The following MBD1 variants were observed in gnomAD, a reference collection of about 807,000 sequenced individuals.
MBD1 encodes the protein methyl-CpG binding domain protein 1.
A neutral mutation model predicts 82.6 loss-of-function variants in MBD1; 25 were observed. The observed-to-expected ratio is 0.30, with a 90% CI of 0.22 to 0.42. The LOEUF is 0.42. Among genes scored for constraint, MBD1 ranks in the 10% least tolerant of loss-of-function variants. The pLI, the probability that MBD1 is intolerant of heterozygous loss-of-function variation, is 1.00. For synonymous variants in MBD1, 301 were observed against 303.7 expected (o/e 0.99, Z 0.09); for missense variants, 627 against 819.6 (o/e 0.76, Z 2.87).
At chr18:50,269,954 T>C in intron 16 of MBD1, 136 bp from the exon 17 acceptor site, 1 of 1,480,374 alleles carries the variant, frequency 6.8e-7, no homozygotes, top group Non-Finnish European at 9.4e-7. Flanking sequence ...TCTTAGTGGT[T>C]CTGCTCCTCT....
chr18:50,273,918 A>G, intron 11 of MBD1, 55 bp from the exon 12 acceptor site: 1 of 1,594,120 alleles, frequency 6.3e-7, no homozygotes, highest in South Asian at 1.1e-5. Flanking sequence ...AATCACATCC[A>G]CCCTGCCCGG....
Position 50,274,989 on chromosome 18 carries a change from G to A in MBD1, c.966C>T (p.Asp322=), listed in dbSNP as rs772160400. ...PPAEFIYYCV[D]EDELQPYTNR... is the part of the protein sequence containing the mutation. ...TGGGGCCACTCACTAGCTCGTCCTC[G>A]TCTACACAGTAATAGATGAACTCGG... Residue 322 remains aspartate (D), a synonymous_variant, in exon 10 of 17, where the codon GAC becomes GAT. Transcript: ENST00000269468. The A allele has an allele frequency of 2.7e-5, 43 of 1,606,660 alleles. No individual in the cohort carries two copies. Among genetic ancestry groups the A allele is most frequent in the Non-Finnish European group, 3.5e-5 (41 of 1,176,884 alleles).
intron 8 of MBD1, 71 bp downstream of exon 8, chr18:50,275,529 G>A: frequency 6.2e-7 from 1 of 1,612,282 alleles, no homozygotes; most frequent in African/African-American, 1.3e-5. Flanking sequence ...GGCAAGGCCA[G>A]GTTGAAAGGA....
Position 50,277,128 on chromosome 18 carries a change from C to T in MBD1, c.187G>A (p.Asp63Asn). 1 of 1,614,210 alleles carries T rather than the reference C, an allele frequency of 6.2e-7. No individual in the cohort carries two copies. Among genetic ancestry groups the T allele is most frequent in the South Asian group, 1.1e-5 (1 of 91,076 alleles). The stretch of plus-strand genomic sequence containing the variant: ...TAGCACAAGATGCCTTGTTTGAAGT[C>T]GAAGAGGGTGAGATCACACGCAGGG... ...LGPACDLTLFDFKQGILCYPA... is the reference protein window; with the variant it reads ...LGPACDLTLFNFKQGILCYPA... Residue 63 changes from aspartate (D) to asparagine (N), a missense_variant, in exon 3 of 17, where the codon GAC (aspartate) becomes AAC (asparagine). By Grantham distance (23) the Asp-to-Asn change is conservative. This residue lies in a region of MBD1 where 42 missense variants were observed against 90.4 expected (regional missense o/e 0.46). Transcript: ENST00000269468.
chr18:50,278,219 C>T (rs969826678), intron 2 of MBD1, among the ~76,000 whole-genome samples: 11 of 152,184 alleles, frequency 7.2e-5, no homozygotes, highest in African/African-American at 2.4e-4. Context: ...CTACTCAAAA[C>T]GGCACACAAT....
intron 16 of MBD1, chr18:50,270,766 G>A (rs1167280191): frequency 5.5e-6 from 1 of 183,304 alleles, no homozygotes; most frequent in African/African-American, 2.3e-5. Flanking sequence ...AGGAATGTAA[G>A]GGATTTATTA....
chr18:50,274,526 A>G (rs910507469), intron 10 of MBD1, among the ~76,000 whole-genome samples, 173 bp from the exon 11 acceptor site: 2 of 152,138 alleles, frequency 1.3e-5, no homozygotes, highest in African/African-American at 4.8e-5. Context: ...CGCTAGTTCA[A>G]CATTGGCCAC....
downstream of MBD1, chr18:50,267,228 G>A (rs1191102005): frequency 1.4e-5 from 3 of 211,600 alleles, no homozygotes; most frequent in African/African-American, 2.3e-5. Flanking sequence ...GTGCGCTACC[G>A]CGCGTGGCCG....
intron 16 of MBD1, 167 bp downstream of exon 16, chr18:50,271,302 C>T (rs796251910): frequency 1.2e-5 from 18 of 1,502,758 alleles, no homozygotes; most frequent in African/African-American, 8.4e-5. Context: ...CTTCCTTTCC[C>T]GCTTACTTCT....
intron 11 of MBD1, 129 bp downstream of exon 11, chr18:50,274,057 A>C: frequency 7.1e-7 from 1 of 1,403,626 alleles, no homozygotes; most frequent in Non-Finnish European, 1.0e-6. Context: ...AGCCAAGAAC[A>C]ATGTCTGTTA....
intron 13 of MBD1, 144 bp from the exon 14 acceptor site, chr18:50,273,099 T>A (rs1303590633): frequency 7.8e-7 from 1 of 1,281,810 alleles, no homozygotes; most frequent in Non-Finnish European, 1.1e-6. Context: ...CCTACAAAGC[T>A]TTCCCATTCC....
At chr18:50,274,421 A>G in intron 10 of MBD1, 68 bp from the exon 11 acceptor site, 1 of 1,535,122 alleles carries the variant, frequency 6.5e-7, no homozygotes. Flanking sequence ...CGCCTATTCC[A>G]GTGCTGGTCC....
At chr18:50,270,276 C>G in intron 16 of MBD1, 1 of 942,128 alleles carries the variant, frequency 1.1e-6, no homozygotes, top group Non-Finnish European at 1.7e-6. Context: ...GGGAGGCACA[C>G]AGGATACAAA....
chr18:50,278,288 T>C (rs1189738215), intron 2 of MBD1, among the ~76,000 whole-genome samples: 1 of 152,226 alleles, frequency 6.6e-6, no homozygotes, highest in Non-Finnish European at 1.5e-5. Context: ...TGGATGGTGG[T>C]TGACTGTAGG....
At chr18:50,272,633 G>A (rs2036063131) in intron 15 of MBD1, 44 bp downstream of exon 15, 7 of 1,608,134 alleles carry the variant, frequency 4.4e-6, no homozygotes, top group Non-Finnish European at 5.1e-6. Flanking sequence ...CCCACATCTG[G>A]CCAACACCCA....
chr18:50,277,896 A>T (rs1410418962), intron 2 of MBD1, among the ~76,000 whole-genome samples: 1 of 152,216 alleles, frequency 6.6e-6, no homozygotes, highest in East Asian at 1.9e-4. Flanking sequence ...TTCTTTTCCT[A>T]TAATAATACA....
At chr18:50,279,759 C>A in intron 2 of MBD1, 124 bp downstream of exon 2, 2 of 1,290,264 alleles carry the variant, frequency 1.6e-6, no homozygotes, top group South Asian at 1.3e-5. Context: ...ACATAAAATC[C>A]GCTAATAAGG....
intron 1 of MBD1, 121 bp downstream of exon 1, chr18:50,281,242 G>A (rs1485462816): frequency 2.6e-6 from 4 of 1,531,730 alleles, no homozygotes; most frequent in Admixed American, 2.0e-5. Flanking sequence ...TTCCGACGCC[G>A]CCATTCCTCC....
Sources: allele counts gnomAD v4.1 joint callset (sites outside exome capture counted in the v4.1 genomes callset), GRCh38; gene constraint gnomAD v4.1.1; regional missense constraint gnomAD v4.1.1; transcripts MANE v1.5; gene names NCBI Gene and HGNC (gene_info 2026-07-23, HGNC 2026-07-21).